RAB27B: variants seen among roughly 807,000 people sequenced by gnomAD.
The protein encoded by RAB27B is RAB27B, member RAS oncogene family.
Under a neutral mutation model 24.6 loss-of-function variants are expected in RAB27B, and 15 were observed. The observed-to-expected ratio is 0.61, with a 90% confidence interval of 0.41 to 0.94. RAB27B has a LOEUF of 0.94. RAB27B is among the 40% of genes least tolerant of loss of function. The pLI is 0.00. For missense variants in RAB27B, 261 were observed against 266.8 expected (o/e 0.98, Z 0.15); for synonymous variants, 105 against 92.5 (o/e 1.14, Z -0.78).
chr18:54,835,967 T>C (rs1413709202), intron 1 of RAB27B, among the ~76,000 whole-genome samples: 1 of 151,960 alleles, frequency 6.6e-6, no homozygotes, highest in Non-Finnish European at 1.5e-5. Flanking sequence ...CCCTCAGGAA[T>C]GTACGTACTT....
At chr18:54,773,562 G>A (rs1244148034) in intron 2 of RAB27B, among the ~76,000 whole-genome samples, 1 of 152,146 alleles carries the variant, frequency 6.6e-6, no homozygotes, top group Non-Finnish European at 1.5e-5. Flanking sequence ...ATAACTCTGC[G>A]AGGCACTATC....
chr18:54,816,894 C>A (rs1273401547), intron 2 of RAB27B, among the ~76,000 whole-genome samples: 1 of 152,090 alleles, frequency 6.6e-6, no homozygotes, highest in Non-Finnish European at 1.5e-5. Context: ...AGGAGTTGTC[C>A]TTTCTAATTT....
At chr18:54,830,353 C>T in intron 1 of RAB27B, among the ~76,000 whole-genome samples, 1 of 152,178 alleles carries the variant, frequency 6.6e-6, no homozygotes, top group East Asian at 1.9e-4. Flanking sequence ...CTCACTCCTG[C>T]AAATTTTTGG....
At chr18:54,729,398 C>A (rs776649329) in intron 2 of RAB27B, among the ~76,000 whole-genome samples, 11 of 152,092 alleles carry the variant, frequency 7.2e-5, no homozygotes, top group Non-Finnish European at 1.5e-4. Context: ...GCACACTTAA[C>A]CCCAAGAAGG....
chr18:54,825,548 G>GT (rs1024038605), upstream of RAB27B, among the ~76,000 whole-genome samples: 24 of 152,002 alleles, frequency 1.6e-4, 1 homozygote, highest in African/African-American at 5.5e-4. Context: ...CCATCTGTCA[G>GT]TTTTTTTGTA....
At chr18:54,799,134 T>A (rs1909516917) in intron 2 of RAB27B, among the ~76,000 whole-genome samples, 2 of 152,238 alleles carry the variant, frequency 1.3e-5, no homozygotes, top group African/African-American at 4.8e-5. Context: ...AATATTAGAC[T>A]AATTTTTTTT....
intron 2 of RAB27B, among the ~76,000 whole-genome samples, chr18:54,803,557 G>T (rs1488271095): frequency 6.6e-6 from 1 of 152,150 alleles, no homozygotes; most frequent in African/African-American, 2.4e-5. Context: ...TGGGTGGAGG[G>T]GGTCAAGAAT....
intron 2 of RAB27B, among the ~76,000 whole-genome samples, chr18:54,763,431 T>C (rs894497637): frequency 3.3e-5 from 5 of 152,096 alleles, no homozygotes; most frequent in African/African-American, 7.2e-5. Flanking sequence ...TCAGACCAAG[T>C]TGTTGCTTTT....
chr18:54,783,133 A>T (rs56070346), intron 2 of RAB27B, among the ~76,000 whole-genome samples: 6,523 of 151,598 alleles, frequency 0.043, 202 homozygotes, highest in Admixed American at 0.083. Flanking sequence ...AATTTTTTTA[A>T]AATTTTTTTA....
intron 2 of RAB27B, among the ~76,000 whole-genome samples, chr18:54,792,088 A>G (rs1018131993): frequency 2.0e-5 from 3 of 152,190 alleles, no homozygotes; most frequent in African/African-American, 7.2e-5. Context: ...GTGACAAGGT[A>G]GAGGGTCTAA....
chr18:54,762,719 T>G (rs1208256915), intron 2 of RAB27B, among the ~76,000 whole-genome samples: 2 of 152,120 alleles, frequency 1.3e-5, no homozygotes, highest in Non-Finnish European at 2.9e-5. Flanking sequence ...ATCACATACC[T>G]TCCTCCTCCC....
intron 2 of RAB27B, among the ~76,000 whole-genome samples, chr18:54,771,740 A>C (rs1173616502): frequency 6.6e-6 from 1 of 152,088 alleles, no homozygotes; most frequent in Non-Finnish European, 1.5e-5. Context: ...GTGGCAAGGT[A>C]GTAGGGGATA....
upstream of RAB27B, among the ~76,000 whole-genome samples, chr18:54,824,474 C>A (rs965231950): frequency 1.3e-5 from 2 of 152,196 alleles, no homozygotes; most frequent in African/African-American, 4.8e-5. Flanking sequence ...AGCCATGTCA[C>A]ACCCTAATTC....
intron 2 of RAB27B, among the ~76,000 whole-genome samples, chr18:54,805,706 T>G (rs1028254208): frequency 2.0e-5 from 3 of 152,226 alleles, no homozygotes; most frequent in Non-Finnish European, 4.4e-5. Flanking sequence ...TAAGAATCAC[T>G]AATAGAGTTG....
intron 2 of RAB27B, among the ~76,000 whole-genome samples, chr18:54,819,385 A>G (rs1407790566): frequency 6.7e-6 from 1 of 149,802 alleles, no homozygotes; most frequent in Admixed American, 6.6e-5. Flanking sequence ...ACAAAAAATT[A>G]GCTAAGCATA....
At chr18:54,784,962 A>G (rs1425679878) in intron 2 of RAB27B, among the ~76,000 whole-genome samples, 1 of 152,148 alleles carries the variant, frequency 6.6e-6, no homozygotes, top group Non-Finnish European at 1.5e-5. Context: ...GCCTACCATT[A>G]CTTTGCCTAC....
intron 1 of RAB27B, among the ~76,000 whole-genome samples, chr18:54,856,138 A>G (rs532801963): frequency 6.6e-6 from 1 of 152,362 alleles, no homozygotes; most frequent in East Asian, 1.9e-4. Context: ...GAACCCACAG[A>G]AAATGAATGG....
intron 1 of RAB27B, among the ~76,000 whole-genome samples, chr18:54,864,931 G>T (rs59316276): frequency 0.036 from 5,497 of 152,070 alleles, 342 homozygotes; most frequent in African/African-American, 0.13. Flanking sequence ...TGTGATTTTT[G>T]TGAAAAGGCA....
At chr18:54,835,304 T>C (rs944371188) in intron 1 of RAB27B, among the ~76,000 whole-genome samples, 20 of 151,922 alleles carry the variant, frequency 1.3e-4, no homozygotes, top group African/African-American at 4.9e-4. Context: ...TTTCTGGAAC[T>C]TTCTCCCAAA....
Sources: gnomAD v4.1 joint callset for allele counts (sites outside exome capture counted in the v4.1 genomes callset) on GRCh38, gnomAD v4.1.1 for gene constraint, MANE v1.5 for transcripts, NCBI Gene and HGNC (gene_info 2026-07-23, HGNC 2026-07-21) for gene names.